The following SIL1 variants were observed in gnomAD, a reference collection of about 807,000 sequenced individuals.
SIL1 encodes the protein nucleotide exchange factor SIL1.
Under a neutral mutation model 49.1 loss-of-function variants are expected in SIL1, and 40 were observed. The observed-to-expected ratio is 0.81, with a 90% CI of 0.63 to 1.06. The LOEUF (loss-of-function observed/expected upper bound fraction) is 1.06. Among genes scored for constraint, SIL1 ranks in the 50% least tolerant of loss-of-function variants. SIL1 has a pLI of 0.00. For synonymous variants in SIL1, 253 were observed against 250.8 expected (o/e 1.01, Z -0.08); for missense variants, 500 against 572.6 (o/e 0.87, Z 1.29).
intron 7 of SIL1, among the ~76,000 whole-genome samples, chr5:138,972,036 G>A (rs917162676): frequency 6.6e-6 from 1 of 152,296 alleles, no homozygotes; most frequent in South Asian, 2.1e-4. Context: ...AGCCCAGAAT[G>A]AGCTCTGTAG....
rs77169826 is a variant in SIL1, at chr5:138,954,681, G to A, written c.768-2797C>T. Among the ~76,000 whole-genome samples, 1,515 of 152,336 alleles carry A rather than the reference G, an allele frequency of 9.9e-3. 27 individuals are homozygous for A. The highest frequency in any genetic ancestry group is 0.042 in the East Asian group (216 of 5,188). ...TCTGCTCCTAGAAACAGACCCTCTCGCCAGTCAGCTCTGCCTTGGGCTTTA... is the reference window on the plus strand; with the variant it reads ...TCTGCTCCTAGAAACAGACCCTCTCACCAGTCAGCTCTGCCTTGGGCTTTA... On this transcript the variant is annotated intron_variant, in intron 7 of 9. Transcript: ENST00000394817.
chr5:139,169,262 A>G (rs1471714720), intron 1 of SIL1, among the ~76,000 whole-genome samples: 1 of 152,202 alleles, frequency 6.6e-6, no homozygotes, highest in Admixed American at 6.5e-5. Context: ...AGAAGACCTT[A>G]AGTTTACACC....
intron 7 of SIL1, chr5:139,013,599 A>G (rs948587801): frequency 6.6e-6 from 1 of 152,210 alleles, no homozygotes; most frequent in Non-Finnish European, 1.5e-5. Flanking sequence ...CATAAAGAAT[A>G]TGACATTATT....
At chr5:139,139,443 A>G (rs1307388421) in intron 1 of SIL1, among the ~76,000 whole-genome samples, 4 of 152,224 alleles carry the variant, frequency 2.6e-5, no homozygotes, top group African/African-American at 9.7e-5. Context: ...GTTCTAAAGG[A>G]ACTATCTGCT....
chr5:139,126,465 A>G (rs1490156078), intron 2 of SIL1, among the ~76,000 whole-genome samples: 1 of 152,204 alleles, frequency 6.6e-6, no homozygotes, highest in East Asian at 1.9e-4. Context: ...CTCATGAGGT[A>G]CAAGTTGGGG....
intron 1 of SIL1, among the ~76,000 whole-genome samples, chr5:139,143,289 A>G (rs1751119262): frequency 6.9e-6 from 1 of 144,232 alleles, no homozygotes; most frequent in Non-Finnish European, 1.5e-5. Context: ...GTATATACAC[A>G]TGTGTATATA....
chr5:139,088,689 C>T (rs1377228173), intron 3 of SIL1, among the ~76,000 whole-genome samples: 1 of 152,208 alleles, frequency 6.6e-6, no homozygotes, highest in Non-Finnish European at 1.5e-5. Flanking sequence ...CTTTTCAGCT[C>T]CTGCAGGGTC....
intron 3 of SIL1, among the ~76,000 whole-genome samples, chr5:139,055,622 C>T (rs71587287): frequency 0.33 from 32,963 of 99,468 alleles, 6,716 homozygotes; most frequent in African/African-American, 0.47. Flanking sequence ...CCCTCTCCCC[C>T]TCTCCCCCTC....
At chr5:138,954,233 G>A (rs2150379806) in intron 7 of SIL1, among the ~76,000 whole-genome samples, 2 of 152,384 alleles carry the variant, frequency 1.3e-5, no homozygotes, top group Middle Eastern at 6.8e-3. Flanking sequence ...AGAGAAAAGA[G>A]AAAGTCTGAC....
chr5:139,175,351 C>T (rs1751860176), intron 1 of SIL1, among the ~76,000 whole-genome samples: 1 of 152,046 alleles, frequency 6.6e-6, no homozygotes, highest in South Asian at 2.1e-4. Context: ...AAAGAGTGTA[C>T]TATGAGCAGG....
chr5:139,162,775 T>C (rs1294019643), intron 1 of SIL1, among the ~76,000 whole-genome samples: 2 of 152,150 alleles, frequency 1.3e-5, no homozygotes, highest in Non-Finnish European at 1.5e-5. Context: ...GCTGTGAATG[T>C]GACAAACAGA....
chr5:138,961,463 G>C (rs1399838320), intron 7 of SIL1, among the ~76,000 whole-genome samples: 2 of 152,244 alleles, frequency 1.3e-5, no homozygotes, highest in African/African-American at 4.8e-5. Flanking sequence ...TAAGGACAGA[G>C]ATGCCCTCTA....
At chr5:139,167,469 T>G (rs1751647918) in intron 1 of SIL1, among the ~76,000 whole-genome samples, 1 of 152,120 alleles carries the variant, frequency 6.6e-6, no homozygotes, top group South Asian at 2.1e-4. Context: ...TTTGTCTTTA[T>G]TTTTAACAAA....
At chr5:138,964,286 A>T (rs1767087560) in intron 7 of SIL1, among the ~76,000 whole-genome samples, 1 of 152,192 alleles carries the variant, frequency 6.6e-6, no homozygotes, top group Admixed American at 6.5e-5. Flanking sequence ...CAAAGAACGA[A>T]CATAGTTCCT....
At chr5:139,155,478 A>AGAGAGAGAGAGAGAGAGAGAGAGAGAGG (rs58862003) in intron 1 of SIL1, 2 of 149,522 alleles carry the variant, frequency 1.3e-5, no homozygotes, top group Non-Finnish European at 3.0e-5. Flanking sequence ...AGAGAGAGAG[A>AGAGAGAGAGAGAGAGAGAGAGAGAGAGG]ACGAGCTCTC....
chr5:139,105,644 T>C (rs940004408), intron 3 of SIL1, among the ~76,000 whole-genome samples: 1 of 151,840 alleles, frequency 6.6e-6, no homozygotes, highest in Non-Finnish European at 1.5e-5. Flanking sequence ...GGCCCGGGAG[T>C]GCAGACATTC....
intron 3 of SIL1, among the ~76,000 whole-genome samples, chr5:139,083,112 C>G (rs184044179): frequency 6.6e-6 from 1 of 152,074 alleles, no homozygotes; most frequent in Admixed American, 6.6e-5. Context: ...ATTACTGTAA[C>G]CTGAGGCTTG....
At chr5:139,058,318 A>G (rs1769503691) in intron 3 of SIL1, among the ~76,000 whole-genome samples, 1 of 151,992 alleles carries the variant, frequency 6.6e-6, no homozygotes, top group Admixed American at 6.6e-5. Flanking sequence ...GTAATTGCAC[A>G]ACACTGTGGG....
chr5:138,947,209 G>A lies in SIL1; in HGVS notation c.1294C>T (p.Leu432=), dbSNP rs1328894647. The A allele has an allele frequency of 1.2e-6, 2 of 1,613,388 alleles. No individual in the cohort carries two copies. The highest frequency in any genetic ancestry group is 1.7e-6 in the Non-Finnish European group (2 of 1,179,924). ...LASLQAEYQV[L]ASLELQDGED... ...CCATCCTGCAGCTCCAGGCTGGCCA[G>A]CACCTGGTACTCAGCCTGCAGGCTG... is the stretch of plus-strand genomic sequence containing the variant. The change falls in exon 10 of 10, where the codon CTG becomes TTG. Residue 432 remains leucine, a synonymous_variant. Transcript: ENST00000394817. The surrounding 1 kb of genome is among the most constrained non-coding windows in gnomAD (Gnocchi z 4.1).
Sources: allele counts gnomAD v4.1 joint callset (sites outside exome capture counted in the v4.1 genomes callset), GRCh38; gene constraint gnomAD v4.1.1; non-coding constraint Gnocchi (gnomAD v3.1); transcripts MANE v1.5; gene names NCBI Gene and HGNC (gene_info 2026-07-23, HGNC 2026-07-21).